KCNB2: variants seen among roughly 807,000 people sequenced by gnomAD.
The protein encoded by KCNB2 is potassium voltage-gated channel subfamily B member 2.
In KCNB2, 15 loss-of-function variants were observed where a neutral mutation model predicts 61.5. That is an observed-to-expected ratio of 0.24 (90% confidence interval 0.16 to 0.38). KCNB2 has a LOEUF of 0.38. Among genes scored for constraint, KCNB2 ranks in the 10% least tolerant of loss-of-function variants. The pLI, the probability that KCNB2 is intolerant of heterozygous loss-of-function variation, is 1.00. For missense variants in KCNB2, 828 were observed against 1,125.2 expected, an observed-to-expected ratio of 0.74 and a Z score of 3.78; for synonymous variants, 457 against 446.0, an observed-to-expected ratio of 1.02 and a Z score of -0.31.
At chr8:72,864,293 G>A (rs1294660251) in intron 2 of KCNB2, among the ~76,000 whole-genome samples, 1 of 152,160 alleles carries the variant, frequency 6.6e-6, no homozygotes, top group Non-Finnish European at 1.5e-5. Flanking sequence ...AGAAGACAAT[G>A]GTGGCCCTTT....
At chr8:72,862,749 G>A (rs545595712) in intron 2 of KCNB2, among the ~76,000 whole-genome samples, 6 of 152,114 alleles carry the variant, frequency 3.9e-5, no homozygotes, top group Non-Finnish European at 8.8e-5. Flanking sequence ...GGCCCATATT[G>A]TATTTCTGTG....
At position 72,846,595 on chromosome 8, in the gene KCNB2, A is replaced by G. The variant is rs181431386; in HGVS notation, c.580-89340A>G. Reference sequence around the variant, plus strand: ...AAAAAAAACCATCAAAAAGTGGGCAAAGAATATGAAGACACACTTCTCAAA... The same window carrying G: ...AAAAAAAACCATCAAAAAGTGGGCAGAGAATATGAAGACACACTTCTCAAA... On this transcript the variant is annotated intron_variant, in intron 2 of 2. Coordinates refer to ENST00000523207, the MANE Select transcript of KCNB2 (RefSeq NM_004770.3). Among the ~76,000 whole-genome samples, 290 of 152,328 alleles carry G rather than the reference A, an allele frequency of 1.9e-3. 3 individuals are homozygous for G. Among genetic ancestry groups the G allele is most frequent in the South Asian group, 0.013 (63 of 4,824 alleles).
At chr8:72,570,570 G>C (rs967043006) in intron 2 of KCNB2, among the ~76,000 whole-genome samples, 2 of 147,938 alleles carry the variant, frequency 1.4e-5, no homozygotes, top group African/African-American at 5.0e-5. Context: ...CCTATAACTT[G>C]TTTTTTTTTT....
chr8:72,847,736 A>G (rs1268774898), intron 2 of KCNB2, among the ~76,000 whole-genome samples: 1 of 152,212 alleles, frequency 6.6e-6, no homozygotes, highest in Non-Finnish European at 1.5e-5. Flanking sequence ...AAAAACAGTG[A>G]TTGTCCAAAT....
chr8:72,739,930 G>A (rs1807920637), intron 2 of KCNB2, among the ~76,000 whole-genome samples: 1 of 152,046 alleles, frequency 6.6e-6, no homozygotes, highest in African/African-American at 2.4e-5. Flanking sequence ...ACACAAAACA[G>A]ACATTTAGTG....
chr8:72,823,104 C>A (rs1289107625), intron 2 of KCNB2, among the ~76,000 whole-genome samples: 1 of 152,164 alleles, frequency 6.6e-6, no homozygotes, highest in Non-Finnish European at 1.5e-5. Flanking sequence ...ATGTTCTGAG[C>A]AGGTCATTTT....
At chr8:72,889,274 A>T (rs563688115) in intron 2 of KCNB2, among the ~76,000 whole-genome samples, 1 of 152,336 alleles carries the variant, frequency 6.6e-6, no homozygotes, top group Non-Finnish European at 1.5e-5. Flanking sequence ...CTGAGGCTAA[A>T]TAACTTATGA....
intron 2 of KCNB2, among the ~76,000 whole-genome samples, chr8:72,913,869 A>G (rs927025837): frequency 6.6e-6 from 1 of 152,308 alleles, no homozygotes; most frequent in Non-Finnish European, 1.5e-5. Context: ...CTCTTGTGAC[A>G]TGTCAGTTGG....
At chr8:72,899,766 A>T (rs1030527196) in intron 2 of KCNB2, among the ~76,000 whole-genome samples, 5 of 152,140 alleles carry the variant, frequency 3.3e-5, no homozygotes, top group Non-Finnish European at 7.4e-5. Context: ...ATCCTCATAG[A>T]TTGGGCGCCA....
intron 2 of KCNB2, among the ~76,000 whole-genome samples, chr8:72,864,731 G>A (rs1451530961): frequency 6.6e-6 from 1 of 152,208 alleles, no homozygotes; most frequent in African/African-American, 2.4e-5. Context: ...ATGTTATATA[G>A]AGTGCATTCC....
At chr8:72,737,689 C>G (rs1461572523) in intron 2 of KCNB2, among the ~76,000 whole-genome samples, 2 of 152,094 alleles carry the variant, frequency 1.3e-5, no homozygotes, top group Non-Finnish European at 2.9e-5. Flanking sequence ...AGTAGTTGGA[C>G]GTGGCAATGG....
At chr8:72,700,863 C>T (rs1201285896) in intron 2 of KCNB2, among the ~76,000 whole-genome samples, 1 of 152,082 alleles carries the variant, frequency 6.6e-6, no homozygotes, top group Non-Finnish European at 1.5e-5. Flanking sequence ...GGATAAAGAA[C>T]ATGTGGTACA....
Position 72,537,262 on chromosome 8 carries a change from G to A in KCNB2, c.-717G>A, listed in dbSNP as rs2128976078. ...GCGCGCCGGGCCGGCTAGCTGCGGG[G>A]CGGGGGAGCGGCGCCCCAGAGCGCC... On this transcript the variant is annotated 5_prime_UTR_variant, in exon 1 of 3. Coordinates refer to ENST00000523207, the MANE Select transcript of KCNB2 (RefSeq NM_004770.3). 6.6e-6 allele frequency: 1 copy of A among 151,698 alleles called. No individual in the cohort carries two copies. Among genetic ancestry groups the A allele is most frequent in the Middle Eastern group, 3.4e-3 (1 of 290 alleles). The allele number at this position is 151,698 out of a possible 1,614,324, so 9.4% of individuals were successfully genotyped here. A position where few individuals can be genotyped will look rare whatever the true frequency, so the allele number is the denominator to read the frequency against.
chr8:72,598,915 G>C (rs56050336), intron 2 of KCNB2, among the ~76,000 whole-genome samples: 6,058 of 152,250 alleles, frequency 0.04, 181 homozygotes, highest in Middle Eastern at 0.11. Flanking sequence ...TCTTCAAGGA[G>C]AACTGCAAAC....
chr8:72,908,632 C>G (rs1806224348), intron 2 of KCNB2, among the ~76,000 whole-genome samples: 1 of 152,138 alleles, frequency 6.6e-6, no homozygotes, highest in Non-Finnish European at 1.5e-5. Context: ...TTATAAACAG[C>G]CTGGCTAAGG....
intron 1 of KCNB2, among the ~76,000 whole-genome samples, chr8:72,552,532 T>C (rs79284812): frequency 6.6e-6 from 1 of 152,216 alleles, no homozygotes; most frequent in East Asian, 1.9e-4. Flanking sequence ...ATTATTAGCA[T>C]GAACTACCTT....
intron 2 of KCNB2, among the ~76,000 whole-genome samples, chr8:72,894,115 A>T (rs1279245024): frequency 6.6e-6 from 1 of 152,202 alleles, no homozygotes; most frequent in Non-Finnish European, 1.5e-5. Context: ...TAGGTGAATG[A>T]TGAAGGTCTC....
chr8:72,791,098 G>A (rs1299078000), intron 2 of KCNB2, among the ~76,000 whole-genome samples: 4 of 152,150 alleles, frequency 2.6e-5, no homozygotes, highest in Non-Finnish European at 5.9e-5. Flanking sequence ...CTTAAAATGT[G>A]ACTGAAATGT....
At chr8:72,935,405 G>A (rs1034878947) in intron 2 of KCNB2, among the ~76,000 whole-genome samples, 4 of 152,226 alleles carry the variant, frequency 2.6e-5, no homozygotes, top group African/African-American at 9.6e-5. Context: ...TGGTTCTGAT[G>A]TCAGTGCTTG....
Sources: allele counts gnomAD v4.1 joint callset (sites outside exome capture counted in the v4.1 genomes callset), GRCh38; gene constraint gnomAD v4.1.1; transcripts MANE v1.5; gene names NCBI Gene and HGNC (gene_info 2026-07-23, HGNC 2026-07-21).